THRB: variants seen among roughly 807,000 people sequenced by gnomAD.
THRB encodes the protein thyroid hormone receptor beta.
Under a neutral mutation model 47.8 loss-of-function variants are expected in THRB, and 12 were observed. The ratio of observed to expected loss-of-function variants is 0.25; its 90% CI spans 0.16 to 0.41. THRB has a LOEUF of 0.41. THRB is among the 10% of genes least tolerant of loss of function. The probability of loss-of-function intolerance (pLI) is 1.00; values close to 1 mark genes in which losing one functional copy is unlikely to be tolerated. For missense variants in THRB, 348 were observed against 589.2 expected, an observed-to-expected ratio of 0.59 and a Z score of 4.24; for synonymous variants, 218 against 212.2, an observed-to-expected ratio of 1.03 and a Z score of -0.24.
intron 1 of THRB, among the ~76,000 whole-genome samples, chr3:24,345,729 A>G (rs1389427728): frequency 6.6e-6 from 1 of 152,098 alleles, no homozygotes; most frequent in African/African-American, 2.4e-5. Flanking sequence ...ACTCAATACA[A>G]AAACCCAGGA....
intron 1 of THRB, among the ~76,000 whole-genome samples, chr3:24,353,136 A>G (rs2063461091): frequency 1.3e-5 from 2 of 152,080 alleles, no homozygotes; most frequent in Non-Finnish European, 2.9e-5. Flanking sequence ...CCCCCCAAGT[A>G]TATTTGCATA....
chr3:24,256,540 A>C (rs1345600261), intron 3 of THRB, among the ~76,000 whole-genome samples: 1 of 152,138 alleles, frequency 6.6e-6, no homozygotes, highest in Admixed American at 6.5e-5. Context: ...TAATGATAGT[A>C]ATTTGTTTTT....
intron 1 of THRB, among the ~76,000 whole-genome samples, chr3:24,474,741 T>C (rs79162551): frequency 0.027 from 4,071 of 152,244 alleles, 196 homozygotes; most frequent in African/African-American, 0.093. Context: ...GCAGACCATA[T>C]GTGCTATACG....
chr3:24,396,772 G>T (rs1350034073), intron 1 of THRB, among the ~76,000 whole-genome samples: 1 of 152,084 alleles, frequency 6.6e-6, no homozygotes, highest in Non-Finnish European at 1.5e-5. Flanking sequence ...CTAATTACTT[G>T]AGGAGTTTCA....
At chr3:24,386,786 T>C (rs2066155122) in intron 1 of THRB, among the ~76,000 whole-genome samples, 2 of 152,150 alleles carry the variant, frequency 1.3e-5, no homozygotes, top group African/African-American at 4.8e-5. Context: ...TGTCATCAAA[T>C]CTTAAGCAAG....
chr3:24,180,021 A>G (rs1360116969), intron 5 of THRB, among the ~76,000 whole-genome samples: 1 of 152,240 alleles, frequency 6.6e-6, no homozygotes, highest in Non-Finnish European at 1.5e-5. Flanking sequence ...CATTGCAGAT[A>G]CCTGTTTCCC....
chr3:24,468,766 AT>A, intron 1 of THRB, among the ~76,000 whole-genome samples: 1 of 152,344 alleles, frequency 6.6e-6, no homozygotes, highest in Non-Finnish European at 1.5e-5. Context: ...GAATTTAAAC[AT>A]TTTAAATGTT....
At chr3:24,402,069 A>G (rs2067447731) in intron 1 of THRB, among the ~76,000 whole-genome samples, 1 of 152,000 alleles carries the variant, frequency 6.6e-6, no homozygotes, top group Non-Finnish European at 1.5e-5. Context: ...AGGAGAAGAA[A>G]GTAAAGTCTG....
chr3:24,247,444 T>G (rs2050214757), intron 3 of THRB, among the ~76,000 whole-genome samples: 1 of 152,156 alleles, frequency 6.6e-6, no homozygotes. Flanking sequence ...CCATCCACAT[T>G]TTACAGTTGG....
At chr3:24,233,654 G>A (rs2048563021) in intron 3 of THRB, among the ~76,000 whole-genome samples, 1 of 146,812 alleles carries the variant, frequency 6.8e-6, no homozygotes, top group Non-Finnish European at 1.5e-5. Context: ...CCACATGTGG[G>A]CTGCTACATT....
intron 4 of THRB, among the ~76,000 whole-genome samples, chr3:24,207,763 G>C (rs973874093): frequency 1.1e-4 from 16 of 152,340 alleles, no homozygotes; most frequent in African/African-American, 3.8e-4. Context: ...AAAACTGGAA[G>C]CATTCCCTTT....
chr3:24,254,090 G>A (rs1276557036), intron 3 of THRB, among the ~76,000 whole-genome samples: 4 of 150,936 alleles, frequency 2.7e-5, no homozygotes, highest in South Asian at 4.2e-4. Context: ...CCGGCCGGGC[G>A]TGGTGGCTCA....
chr3:24,368,158 C>T (rs1396052744), intron 1 of THRB, among the ~76,000 whole-genome samples: 1 of 152,114 alleles, frequency 6.6e-6, no homozygotes, highest in African/African-American at 2.4e-5. Context: ...TGTAAGGTAA[C>T]TAAAAGAATT....
At chr3:24,192,329 T>C (rs1319149837) in intron 4 of THRB, among the ~76,000 whole-genome samples, 2 of 152,162 alleles carry the variant, frequency 1.3e-5, no homozygotes, top group Non-Finnish European at 2.9e-5. Flanking sequence ...CCTAATGAGA[T>C]TGATTTTATT....
At chr3:24,305,457 A>C (rs994930214) in intron 2 of THRB, among the ~76,000 whole-genome samples, 1 of 152,222 alleles carries the variant, frequency 6.6e-6, no homozygotes, top group African/African-American at 2.4e-5. Context: ...TGTGTAGGGT[A>C]AGGTCAAGGG....
At chr3:24,284,706 A>G (rs1228472215) in intron 3 of THRB, among the ~76,000 whole-genome samples, 1 of 149,494 alleles carries the variant, frequency 6.7e-6, no homozygotes, top group Non-Finnish European at 1.5e-5. Context: ...AATATCCAGA[A>G]TCTACAATGA....
rs556536725 is a variant in THRB at position 24,365,003 on chromosome 3, C to T, written c.-260-27632G>A. On this transcript the variant is annotated intron_variant, in intron 1 of 10. Transcript: ENST00000646209. ...AAAAATCTTATGCACTTATATGTTA[C>T]TTCCAAATATATACAGAATATGCCA... Among the ~76,000 whole-genome samples, 5 of 152,278 alleles carry T rather than the reference C, an allele frequency of 3.3e-5. No homozygotes were observed. In the South Asian group the frequency reaches 6.2e-4, roughly 19 times the overall value.
intron 5 of THRB, among the ~76,000 whole-genome samples, chr3:24,161,870 C>T (rs1361408839): frequency 2.6e-5 from 3 of 116,360 alleles, no homozygotes; most frequent in Non-Finnish European, 4.8e-5. Context: ...GGCTTAAAAA[C>T]AGGAAATTCT....
rs145187218 is a variant in THRB, at chr3:24,407,104, G to C, written c.-260-69733C>G. Among the ~76,000 whole-genome samples, 33 of 151,906 alleles carry C rather than the reference G, an allele frequency of 2.2e-4. No homozygotes were observed. The East Asian group carries it at 6.2e-3, about 29-fold the overall frequency. ...AACAAACTTTGGCAGTGGGTATTGGGCACTGTCCACAAGAAGAAAACACAG... is the reference window on the plus strand; with the variant it reads ...AACAAACTTTGGCAGTGGGTATTGGCCACTGTCCACAAGAAGAAAACACAG... On this transcript the variant is annotated intron_variant, in intron 1 of 10. Coordinates refer to ENST00000646209, the MANE Select transcript of THRB (RefSeq NM_001354712.2).
Sources: gnomAD v4.1 joint callset for allele counts (sites outside exome capture counted in the v4.1 genomes callset) on GRCh38, gnomAD v4.1.1 for gene constraint, MANE v1.5 for transcripts, NCBI Gene and HGNC (gene_info 2026-07-23, HGNC 2026-07-21) for gene names.